The following RASGRF2 variants were observed in gnomAD, a reference collection of about 807,000 sequenced individuals.
RASGRF2 encodes ras-specific guanine nucleotide-releasing factor 2.
Under a neutral mutation model 151.0 loss-of-function variants are expected in RASGRF2, and 76 were observed. The observed-to-expected ratio is 0.50, with a 90% CI of 0.42 to 0.61. The LOEUF (loss-of-function observed/expected upper bound fraction) is 0.61, where lower values mean the gene tolerates loss of function less well. Ranked by LOEUF, RASGRF2 falls within the 20% of genes least tolerant of loss-of-function variation. The pLI, the probability that RASGRF2 is intolerant of heterozygous loss-of-function variation, is 0.00. For synonymous variants in RASGRF2, 504 were observed against 566.5 expected, an observed-to-expected ratio of 0.89 and a Z score of 1.57; for missense variants, 1,148 against 1,564.6, an observed-to-expected ratio of 0.73 and a Z score of 4.49.
intron 12 of RASGRF2, among the ~76,000 whole-genome samples, chr5:81,104,403 CCTCTT>C (rs200774161): frequency 0.023 from 3,569 of 151,982 alleles, 149 homozygotes; most frequent in African/African-American, 0.081. Flanking sequence ...AAAATGAAGA[CCTCTT>C]CTTTCCTATT....
In RASGRF2 at chr5:81,094,418, G is replaced by A. The variant is rs371404989; in HGVS notation, c.1618+56G>A. 1.1e-5 allele frequency: 17 copies of A among 1,507,526 alleles called. No individual in the cohort carries two copies. The South Asian group carries it at 1.7e-4, about 15-fold the overall frequency. 93.4% of individuals were successfully genotyped at this position (1,507,526 alleles called of 1,614,324 possible). A position where few individuals can be genotyped will look rare whatever the true frequency, so the allele number is the denominator to read the frequency against. On this transcript the variant is annotated intron_variant, in intron 11 of 26. Coordinates refer to ENST00000265080, the MANE Select transcript of RASGRF2 (RefSeq NM_006909.3). ...TTAGAATTAGAGGCGGGAGAGAGAGGCTGAGGATAAACTCCCTAAAGTCAT... is the reference window on the plus strand; with the variant it reads ...TTAGAATTAGAGGCGGGAGAGAGAGACTGAGGATAAACTCCCTAAAGTCAT...
At chr5:81,066,601 C>T (rs1751614135) in intron 2 of RASGRF2, among the ~76,000 whole-genome samples, 1 of 152,212 alleles carries the variant, frequency 6.6e-6, no homozygotes, top group Non-Finnish European at 1.5e-5. Flanking sequence ...CTGTCTCAGA[C>T]TTTCTGTCTC....
At chr5:81,055,129 A>G (rs1212744715) in intron 2 of RASGRF2, among the ~76,000 whole-genome samples, 2 of 152,034 alleles carry the variant, frequency 1.3e-5, no homozygotes, top group East Asian at 1.9e-4. Context: ...TCTTTCTCCC[A>G]CCTGATTGCC....
chr5:81,041,653 T>C lies in RASGRF2; in HGVS notation c.289-1224T>C, dbSNP rs990062429. On this transcript the variant is annotated intron_variant, in intron 1 of 26. Transcript: ENST00000265080. ...CATGAGTTTGGGAGTCTTTGAATCT[T>C]GGTTATATGATTATCTCTGTTGTGG... Among the ~76,000 whole-genome samples, 13 of 152,366 alleles carry C rather than the reference T, an allele frequency of 8.5e-5. No individual in the cohort carries two copies. In the East Asian group the frequency reaches 2.1e-3, roughly 25 times the overall value.
At chr5:81,125,561 A>T (rs1042277075) in intron 16 of RASGRF2, among the ~76,000 whole-genome samples, 1 of 152,180 alleles carries the variant, frequency 6.6e-6, no homozygotes, top group African/African-American at 2.4e-5. Context: ...TTCCTTGACC[A>T]TTGCCACATA....
chr5:81,050,539 G>A (rs529320517), intron 2 of RASGRF2, among the ~76,000 whole-genome samples: 1 of 152,160 alleles, frequency 6.6e-6, no homozygotes, highest in South Asian at 2.1e-4. Flanking sequence ...TGACCTCTGC[G>A]AACTCCTCGT....
chr5:81,001,314 G>A (rs372591622), intron 1 of RASGRF2, among the ~76,000 whole-genome samples: 9 of 152,114 alleles, frequency 5.9e-5, no homozygotes, highest in African/African-American at 1.7e-4. Context: ...GCTTTTGAGC[G>A]GTGAGTTGCC....
In RASGRF2 at chr5:81,178,793, C is replaced by T. The variant is rs1003805956; in HGVS notation, c.2687-1382C>T. ...TCGCTCTGTCGCCCATGCTGGAGTG[C>T]AGTGGCGCCGTCTTGGCTCACTGCA... is the stretch of plus-strand genomic sequence containing the variant. On this transcript the variant is annotated intron_variant, in intron 17 of 26. Coordinates refer to ENST00000265080, the MANE Select transcript of RASGRF2 (RefSeq NM_006909.3). Among the ~76,000 whole-genome samples, 3 of 152,154 alleles carry T rather than the reference C, an allele frequency of 2.0e-5. No homozygotes were observed. The South Asian group carries it at 6.2e-4, about 32-fold the overall frequency.
chr5:81,207,174 C>T (rs772465933), intron 20 of RASGRF2, 72 bp from the exon 21 acceptor site: 170 of 1,255,140 alleles, frequency 1.4e-4, no homozygotes, highest in Non-Finnish European at 1.8e-4. Context: ...CAGCTGTCTG[C>T]CTCACTGACC....
At chr5:81,003,596 A>T (rs556205222) in intron 1 of RASGRF2, among the ~76,000 whole-genome samples, 14 of 152,288 alleles carry the variant, frequency 9.2e-5, no homozygotes, top group Admixed American at 3.3e-4. Flanking sequence ...TCCTGGCCTC[A>T]AGTGATCCTC....
At chr5:81,009,424 T>C (rs1046285132) in intron 1 of RASGRF2, among the ~76,000 whole-genome samples, 1 of 152,184 alleles carries the variant, frequency 6.6e-6, no homozygotes, top group Admixed American at 6.5e-5. Context: ...GTCGCTAAAA[T>C]TGTGATGTGA....
intron 3 of RASGRF2, 159 bp from the exon 4 acceptor site, chr5:81,070,333 A>G (rs2112457210): frequency 9.8e-6 from 6 of 610,852 alleles, no homozygotes. Context: ...GGTAAAGTTC[A>G]TGTTTCCCCC....
At chr5:80,961,998 A>C (rs1243595187) in intron 1 of RASGRF2, among the ~76,000 whole-genome samples, 1 of 152,220 alleles carries the variant, frequency 6.6e-6, no homozygotes, top group Admixed American at 6.5e-5. Flanking sequence ...AAATATTCGC[A>C]GCTGAATTTT....
chr5:81,108,981 C>G lies in RASGRF2; in HGVS notation c.1756-15C>G, dbSNP rs773583492. On this transcript the variant is annotated splice_polypyrimidine_tract_variant and intron_variant, in intron 12 of 26. Coordinates refer to ENST00000265080, the MANE Select transcript of RASGRF2 (RefSeq NM_006909.3). The stretch of plus-strand genomic sequence containing the variant: ...CTTTCATGTGGGTTGTAATTGTCAA[C>G]TTTTTATTTCACAGTGTGTGGACAA... 5 of 1,590,806 alleles carry G rather than the reference C, an allele frequency of 3.1e-6. No individual in the cohort carries two copies. Among genetic ancestry groups the G allele is most frequent in the Non-Finnish European group, 4.3e-6 (5 of 1,164,338 alleles).
chr5:81,021,917 G>A (rs1456842471), intron 1 of RASGRF2, among the ~76,000 whole-genome samples: 1 of 152,186 alleles, frequency 6.6e-6, no homozygotes. Flanking sequence ...CAAGAAGTGA[G>A]AGAAGTCATG....
chr5:81,135,074 A>G (rs1047845572), intron 17 of RASGRF2, among the ~76,000 whole-genome samples: 2 of 152,060 alleles, frequency 1.3e-5, no homozygotes, highest in Non-Finnish European at 2.9e-5. Flanking sequence ...TGGGAGGCCA[A>G]GGTGGGAGGA....
At chr5:81,088,624 G>A (rs1199402252) in intron 9 of RASGRF2, 1 of 152,160 alleles carries the variant, frequency 6.6e-6, no homozygotes, top group Non-Finnish European at 1.5e-5. Flanking sequence ...TCCTGAAAAT[G>A]TCTACTAATT....
chr5:81,011,744 C>T (rs1436156485), intron 1 of RASGRF2, among the ~76,000 whole-genome samples: 1 of 53,094 alleles, frequency 1.9e-5, no homozygotes, highest in Non-Finnish European at 4.0e-5. Context: ...TCCATCTCAA[C>T]AAACAAACAA....
chr5:81,087,531 G>C (rs536587260), intron 9 of RASGRF2: 1 of 592,288 alleles, frequency 1.7e-6, no homozygotes, highest in East Asian at 2.8e-5. Flanking sequence ...GTGTGCTTTG[G>C]GGGCATCACT....
Sources: gnomAD v4.1 joint callset for allele counts (sites outside exome capture counted in the v4.1 genomes callset) on GRCh38, gnomAD v4.1.1 for gene constraint, MANE v1.5 for transcripts, NCBI Gene and HGNC (gene_info 2026-07-23, HGNC 2026-07-21) for gene names.